The following ZPBP variants were observed in gnomAD, a reference collection of about 807,000 sequenced individuals.
The protein encoded by ZPBP is zona pellucida binding protein.
A neutral mutation model predicts 44.8 loss-of-function variants in ZPBP; 26 were observed. The observed-to-expected ratio is 0.58, with a 90% CI of 0.43 to 0.81. ZPBP has a LOEUF of 0.81. Ranked by LOEUF, ZPBP falls within the 30% of genes least tolerant of loss-of-function variation. The pLI is 0.00. For missense variants in ZPBP, 409 were observed against 434.0 expected (o/e 0.94, Z 0.51); for synonymous variants, 174 against 153.2 (o/e 1.14, Z -1.00).
chr7:50,048,647 G>C (rs1800514346), intron 4 of ZPBP, among the ~76,000 whole-genome samples: 2 of 151,804 alleles, frequency 1.3e-5, no homozygotes, highest in African/African-American at 4.8e-5. Context: ...TGAAAATGAA[G>C]ACAAAACATG....
At chr7:50,034,753 A>G (rs1252491898) in intron 4 of ZPBP, among the ~76,000 whole-genome samples, 2 of 152,206 alleles carry the variant, frequency 1.3e-5, no homozygotes, top group African/African-American at 2.4e-5. Flanking sequence ...AAGATATGGA[A>G]TCCAAATTTG....
intron 2 of ZPBP, among the ~76,000 whole-genome samples, chr7:49,898,752 C>T (rs1313251006): frequency 6.6e-6 from 1 of 151,858 alleles, no homozygotes; most frequent in Non-Finnish European, 1.5e-5. Context: ...CTCTCATTAC[C>T]CACAAAGTGG....
intron 7 of ZPBP, among the ~76,000 whole-genome samples, chr7:49,940,524 A>G (rs1044282296): frequency 6.6e-6 from 1 of 151,982 alleles, no homozygotes; most frequent in South Asian, 2.1e-4. Flanking sequence ...AAGAACTTCC[A>G]GTGAACTAGG....
chr7:49,936,929 C>T (rs1794637122), downstream of ZPBP, among the ~76,000 whole-genome samples: 1 of 152,078 alleles, frequency 6.6e-6, no homozygotes, highest in Non-Finnish European at 1.5e-5. Flanking sequence ...ACAATAATTA[C>T]TCCATTCTAA....
chr7:50,029,270 C>A (rs750061005), intron 5 of ZPBP, among the ~76,000 whole-genome samples: 2 of 152,118 alleles, frequency 1.3e-5, no homozygotes, highest in Non-Finnish European at 2.9e-5. Flanking sequence ...CTTGGACAAC[C>A]AGACAGCCAC....
At chr7:49,913,339 G>A (rs922106200) in intron 1 of ZPBP, 4 of 152,162 alleles carry the variant, frequency 2.6e-5, no homozygotes, top group Non-Finnish European at 5.9e-5. Flanking sequence ...AACATAAAAA[G>A]CCACTGCAAA....
intron 2 of ZPBP, among the ~76,000 whole-genome samples, chr7:49,851,615 T>A (rs532329485): frequency 6.6e-6 from 1 of 152,186 alleles, no homozygotes; most frequent in Non-Finnish European, 1.5e-5. Context: ...ATCCCAGCAC[T>A]TCGGGAGGCC....
intron 2 of ZPBP, among the ~76,000 whole-genome samples, chr7:49,865,173 A>G (rs1260654236): frequency 1.3e-5 from 2 of 152,212 alleles, no homozygotes; most frequent in Non-Finnish European, 2.9e-5. Context: ...GTTCAGGAAG[A>G]GGAGGAAGAG....
chr7:49,931,488 AAG>A (rs1794440530), intron 1 of ZPBP, among the ~76,000 whole-genome samples: 2 of 151,796 alleles, frequency 1.3e-5, no homozygotes, highest in Middle Eastern at 6.8e-3. Flanking sequence ...TTGCTATGCA[AAG>A]AGACTGGTGG....
chr7:49,863,279 CT>C (rs1243788596), intron 2 of ZPBP, among the ~76,000 whole-genome samples: 1 of 152,086 alleles, frequency 6.6e-6, no homozygotes, highest in Non-Finnish European at 1.5e-5. Flanking sequence ...CTTTACAATC[CT>C]TTCTATTTCT....
At chr7:50,060,119 C>T (rs547247684) in intron 3 of ZPBP, among the ~76,000 whole-genome samples, 37 of 152,242 alleles carry the variant, frequency 2.4e-4, no homozygotes, top group South Asian at 1.5e-3. Context: ...AGACATGGAG[C>T]GGCCCACTCT....
intron 7 of ZPBP, among the ~76,000 whole-genome samples, chr7:49,938,738 G>T (rs556558398): frequency 1.3e-5 from 2 of 152,212 alleles, no homozygotes; most frequent in South Asian, 4.2e-4. Context: ...AAATGTGGTT[G>T]CCCAAGGATC....
intron 4 of ZPBP, among the ~76,000 whole-genome samples, chr7:50,040,131 T>C (rs1031652564): frequency 3.9e-5 from 6 of 152,124 alleles, no homozygotes; most frequent in African/African-American, 1.4e-4. Context: ...TCCAAGTATA[T>C]CAATAATAAC....
At chr7:50,054,433 A>C (rs1800834923) in intron 4 of ZPBP, among the ~76,000 whole-genome samples, 1 of 152,294 alleles carries the variant, frequency 6.6e-6, no homozygotes, top group Non-Finnish European at 1.5e-5. Context: ...TTGAAAAGGC[A>C]ATCTACTGAA....
intron 3 of ZPBP, among the ~76,000 whole-genome samples, chr7:50,060,424 T>C (rs545837202): frequency 5.9e-5 from 9 of 151,698 alleles, no homozygotes; most frequent in African/African-American, 9.7e-5. Context: ...GCTGGACTAA[T>C]AGAGCAAAAA....
chr7:49,914,862 C>A (rs1384137045), intron 1 of ZPBP: 1 of 152,072 alleles, frequency 6.6e-6, no homozygotes, highest in Non-Finnish European at 1.5e-5. Context: ...CCTCAGAATT[C>A]AAGTATAGAA....
In ZPBP at chr7:49,877,481, A is replaced by AAAAATATACATATATATATATATATATAT; in HGVS notation, n.509+23636_509+23637insATATATATATATATATATATGTATATTTT. On this transcript the variant is annotated intron_variant and non_coding_transcript_variant, in intron 2 of 2. Coordinates refer to the ZPBP transcript ENST00000465922. Reference sequence around the variant, plus strand: ...CTGTCTCAAAAAAAAAAAAAAAAAAAATATATATATATATATATATATATA... The same window carrying AAAAATATACATATATATATATATATATAT: ...CTGTCTCAAAAAAAAAAAAAAAAAAAAAAATATACATATATATATATATATATATATATATATATATATATATATATATA... Among the ~76,000 whole-genome samples the AAAAATATACATATATATATATATATATAT allele has an allele frequency of 3.9e-4, 5 of 12,730 alleles. 1 individual carries two copies. Among genetic ancestry groups the AAAAATATACATATATATATATATATATAT allele is most frequent in the Admixed American group, 2.8e-3 (2 of 714 alleles). The allele number at this position is 12,730 out of a possible 152,430, so 8.4% of individuals were successfully genotyped here.
intron 1 of ZPBP, chr7:49,917,340 T>C (rs1001659650): frequency 1.1e-4 from 17 of 152,318 alleles, no homozygotes; most frequent in Non-Finnish European, 1.9e-4. Flanking sequence ...ACAAATCCCA[T>C]TGAATATTAA....
intron 6 of ZPBP, among the ~76,000 whole-genome samples, chr7:49,986,364 G>T (rs1797280251): frequency 6.6e-6 from 1 of 152,202 alleles, no homozygotes; most frequent in Non-Finnish European, 1.5e-5. Flanking sequence ...GCACCCATGG[G>T]ACTGAAAGGC....
Sources: allele counts gnomAD v4.1 joint callset (sites outside exome capture counted in the v4.1 genomes callset), GRCh38; gene constraint gnomAD v4.1.1; transcripts MANE v1.5; gene names NCBI Gene and HGNC (gene_info 2026-07-23, HGNC 2026-07-21).